The following PLCE1 variants were observed in gnomAD, a reference collection of about 807,000 sequenced individuals.
PLCE1 encodes phospholipase C epsilon 1.
PLCE1 carries 119 observed loss-of-function variants against 242.8 expected under a neutral mutation model. The observed-to-expected ratio is 0.49, with a 90% CI of 0.42 to 0.57. PLCE1 has a LOEUF of 0.57. Among genes scored for constraint, PLCE1 ranks in the 20% least tolerant of loss-of-function variants. The pLI is 0.00. For missense variants in PLCE1, 2,441 were observed against 2,788.8 expected (o/e 0.88, Z 2.81); for synonymous variants, 945 against 1,017.4 (o/e 0.93, Z 1.35).
chr10:94,214,631 C>T (rs925631265), intron 4 of PLCE1, among the ~76,000 whole-genome samples: 2 of 152,134 alleles, frequency 1.3e-5, no homozygotes, highest in African/African-American at 2.4e-5. Context: ...TATTCCCTTC[C>T]GCTCTGTCCT....
chr10:94,207,579 T>A (rs370409341), intron 4 of PLCE1, among the ~76,000 whole-genome samples: 1 of 151,718 alleles, frequency 6.6e-6, no homozygotes, highest in Non-Finnish European at 1.5e-5. Context: ...TCAAGCTCTG[T>A]CTGTCTAGGA....
At chr10:94,302,010 A>G (rs927378184) in intron 24 of PLCE1, among the ~76,000 whole-genome samples, 12 of 152,192 alleles carry the variant, frequency 7.9e-5, no homozygotes, top group African/African-American at 2.2e-4. Context: ...ATGTTTATCT[A>G]TCATTATGTG....
At chr10:94,256,441 T>G (rs1397114902) in intron 11 of PLCE1, among the ~76,000 whole-genome samples, 1 of 151,980 alleles carries the variant, frequency 6.6e-6, no homozygotes, top group Non-Finnish European at 1.5e-5. Context: ...ATGTGAGCAA[T>G]GAACTTATAA....
At chr10:94,013,821 T>C (rs1037723911) in intron 1 of PLCE1, among the ~76,000 whole-genome samples, 1 of 152,134 alleles carries the variant, frequency 6.6e-6, no homozygotes, top group Non-Finnish European at 1.5e-5. Flanking sequence ...GGAGATGACA[T>C]TTGAGCCGAA....
At position 94,331,869 on chromosome 10, in the gene PLCE1, C is replaced by CTTTTTTTTTTTTTTTTTTTTTTTTT. The variant is rs36054579; in HGVS notation, c.*3946_*3947insTTTTTTTTTTTTTTTTTTTTTTTTT. On this transcript the variant is annotated 3_prime_UTR_variant, in exon 33 of 33. Coordinates refer to ENST00000371380, the MANE Select transcript of PLCE1 (RefSeq NM_016341.4). ...GAGTCTCTATGATTACCAAGTTATT[C>CTTTTTTTTTTTTTTTTTTTTTTTTT]TTTTTTTTTTTTTTTTTTTTGAGGC... 8.4e-6 allele frequency: 1 copy of CTTTTTTTTTTTTTTTTTTTTTTTTT among 119,094 alleles called. No individual in the cohort carries two copies. 7.4% of individuals were successfully genotyped at this position (119,094 alleles called of 1,614,324 possible).
intron 4 of PLCE1, among the ~76,000 whole-genome samples, chr10:94,177,343 T>G (rs2048158213): frequency 6.6e-6 from 1 of 152,230 alleles, no homozygotes; most frequent in Non-Finnish European, 1.5e-5. Context: ...CCTATTAGAC[T>G]GTGATGCACA....
chr10:94,321,019 A>G (rs1471104098), intron 29 of PLCE1, among the ~76,000 whole-genome samples: 1 of 152,202 alleles, frequency 6.6e-6, no homozygotes, highest in Non-Finnish European at 1.5e-5. Context: ...TAAGATACAT[A>G]TATCTGTAGA....
chr10:94,169,256 T>C (rs997270744), intron 3 of PLCE1, among the ~76,000 whole-genome samples: 2 of 152,184 alleles, frequency 1.3e-5, no homozygotes, highest in Admixed American at 1.3e-4. Context: ...GACTGTGGGT[T>C]ACCTGGTATA....
chr10:94,064,492 A>G (rs2044145584), intron 2 of PLCE1, among the ~76,000 whole-genome samples: 1 of 152,134 alleles, frequency 6.6e-6, no homozygotes, highest in South Asian at 2.1e-4. Flanking sequence ...CAGTGAGCCG[A>G]GATTGTACCA....
intron 2 of PLCE1, among the ~76,000 whole-genome samples, chr10:94,101,646 C>T (rs1274510894): frequency 1.3e-5 from 2 of 152,150 alleles, no homozygotes; most frequent in Non-Finnish European, 2.9e-5. Context: ...AATACAGGGC[C>T]AGTGGCTGGC....
At chr10:94,153,857 G>C (rs545861778) in intron 3 of PLCE1, among the ~76,000 whole-genome samples, 1 of 152,282 alleles carries the variant, frequency 6.6e-6, no homozygotes, top group East Asian at 1.9e-4. Context: ...GCAAGATACT[G>C]TTGAAAGAAA....
At chr10:94,297,013 A>G (rs905518258) in intron 23 of PLCE1, among the ~76,000 whole-genome samples, 1 of 151,960 alleles carries the variant, frequency 6.6e-6, no homozygotes, top group Non-Finnish European at 1.5e-5. Flanking sequence ...AGCTGCGATG[A>G]CAGGCGCGTG....
In PLCE1 at chr10:94,262,675, C is replaced by T. The variant is rs377285124; in HGVS notation, c.3996C>T (p.Phe1332=). 39 of 1,614,054 alleles carry T rather than the reference C, an allele frequency of 2.4e-5. No individual in the cohort carries two copies. The African/African-American group carries it at 4.3e-4, about 18-fold the overall frequency. Residue 1332 remains phenylalanine (F), a synonymous_variant, in exon 14 of 33, where the codon TTC becomes TTT. Transcript: ENST00000371380. ...TGGGCATACTTCAGCTCAACGATTT[C>T]CTCGTGAATTGCCAAGGAGAACACT... ...FGVGILQLND[F]LVNCQGEHCT... is the part of the protein sequence containing the mutation.
intron 1 of PLCE1, among the ~76,000 whole-genome samples, chr10:94,002,888 G>C (rs1240063027): frequency 1.3e-5 from 2 of 152,178 alleles, no homozygotes. Flanking sequence ...CATGAAGATT[G>C]TCAACTTTAA....
chr10:94,261,520 G>C (rs1001577913), intron 13 of PLCE1, among the ~76,000 whole-genome samples: 3 of 152,232 alleles, frequency 2.0e-5, no homozygotes, highest in Non-Finnish European at 4.4e-5. Context: ...AAATACCTAA[G>C]AGTGCAATTG....
At chr10:94,037,107 T>G (rs553365172) in intron 2 of PLCE1, among the ~76,000 whole-genome samples, 1 of 152,350 alleles carries the variant, frequency 6.6e-6, no homozygotes, top group African/African-American at 2.4e-5. Flanking sequence ...CTTATTCTGC[T>G]TTCTTCCTTT....
In PLCE1 at chr10:94,327,979, T is replaced by C. The variant is rs1382337452; in HGVS notation, c.*36T>C. 1 of 532,744 alleles carries C rather than the reference T, an allele frequency of 1.9e-6. No individual in the cohort carries two copies. Among genetic ancestry groups the C allele is most frequent in the East Asian group, 5.4e-5 (1 of 18,364 alleles). The allele number at this position is 532,744 out of a possible 1,614,324, so 33.0% of individuals were successfully genotyped here. A position where few individuals can be genotyped will look rare whatever the true frequency, so the allele number is the denominator to read the frequency against. Reference sequence around the variant, plus strand: ...ATACAACATTACAGGTGAAGATCTTTAAGCAAGAAGTTAAAGAGTGAACAT... The same window carrying C: ...ATACAACATTACAGGTGAAGATCTTCAAGCAAGAAGTTAAAGAGTGAACAT... On this transcript the variant is annotated 3_prime_UTR_variant, in exon 33 of 33. Transcript: ENST00000371380.
chr10:94,303,756 T>C (rs1315926779), intron 24 of PLCE1, among the ~76,000 whole-genome samples: 1 of 152,144 alleles, frequency 6.6e-6, no homozygotes, highest in Non-Finnish European at 1.5e-5. Flanking sequence ...CCCCTCCATA[T>C]CCTTGGGTTC....
chr10:94,132,286 C>T lies in PLCE1; in HGVS notation c.1319C>T (p.Pro440Leu). Residue 440 changes from proline to leucine, a missense_variant, in exon 3 of 33, where the codon CCA becomes CTA. Physicochemically the swap from Pro to Leu is moderately conservative, Grantham distance 98. Transcript: ENST00000371380. Reference protein sequence around the residue: ...ETAHGRISVGPCLKQCVRDTV... With the variant: ...ETAHGRISVGLCLKQCVRDTV... ...GCCCATGGAAGGATAAGCGTTGGTC[C>T]ATGCTTAAAGCAATGTGTCCGAGAC... 1 of 1,613,992 alleles carries T rather than the reference C, an allele frequency of 6.2e-7. No homozygotes were observed. Among genetic ancestry groups the T allele is most frequent in the Non-Finnish European group, 8.5e-7 (1 of 1,179,962 alleles).
Sources: gnomAD v4.1 joint callset for allele counts (sites outside exome capture counted in the v4.1 genomes callset) on GRCh38, gnomAD v4.1.1 for gene constraint, MANE v1.5 for transcripts, NCBI Gene and HGNC (gene_info 2026-07-23, HGNC 2026-07-21) for gene names.